Variants in TMEM192 observed in about 807,000 individuals in gnomAD.
The protein encoded by TMEM192 is transmembrane protein 192.
TMEM192 carries 20 observed loss-of-function variants against 26.7 expected under a neutral mutation model. The observed-to-expected ratio is 0.75, with a 90% confidence interval of 0.53 to 1.09. The LOEUF (loss-of-function observed/expected upper bound fraction) is 1.09, where lower values mean the gene tolerates loss of function less well. Ranked by LOEUF, TMEM192 falls within the 50% of genes least tolerant of loss-of-function variation. The pLI, the probability that TMEM192 is intolerant of heterozygous loss-of-function variation, is 0.00. For missense variants in TMEM192, 304 were observed against 322.6 expected (o/e 0.94, Z 0.44); for synonymous variants, 124 against 121.0 (o/e 1.02, Z -0.16).
chr4:165,093,595 C>T (rs1734821904), intron 3 of TMEM192, among the ~76,000 whole-genome samples: 1 of 152,134 alleles, frequency 6.6e-6, no homozygotes, highest in South Asian at 2.1e-4. Flanking sequence ...CAAGTACCCT[C>T]CTTGAAGAAG....
intron 4 of TMEM192, among the ~76,000 whole-genome samples, chr4:165,085,900 T>C (rs559490489): frequency 1.2e-4 from 19 of 152,138 alleles, no homozygotes; most frequent in African/African-American, 4.6e-4. Context: ...TTAGAACACA[T>C]GAGGCACAGT....
At position 165,076,156 on chromosome 4, in the gene TMEM192, A is replaced by T. The variant is rs1560922730; in HGVS notation, c.*3502T>A. 2 of 152,206 alleles carry T rather than the reference A, an allele frequency of 1.3e-5. No homozygotes were observed. Among genetic ancestry groups the T allele is most frequent in the Non-Finnish European group, 2.9e-5 (2 of 68,038 alleles). The allele number at this position is 152,206 out of a possible 1,614,324, so 9.4% of individuals were successfully genotyped here. A position where few individuals can be genotyped will look rare whatever the true frequency, so the allele number is the denominator to read the frequency against. On this transcript the variant is annotated 3_prime_UTR_variant, in exon 6 of 6. Coordinates refer to ENST00000306480, the MANE Select transcript of TMEM192 (RefSeq NM_001100389.2). ...AAAAATGAGCTTTTAACTTTATAAT[A>T]AGTCATGATACTGTTGTCATTTGGA... is the stretch of plus-strand genomic sequence containing the variant.
intron 1 of TMEM192, 96 bp from the exon 2 acceptor site, chr4:165,103,192 C>A (rs1395832543): frequency 1.3e-5 from 16 of 1,196,500 alleles, no homozygotes; most frequent in Non-Finnish European, 1.6e-5. Context: ...TAACCACATA[C>A]AAATTAAAGG....
Position 165,074,437 on chromosome 4 carries a change from G to GATTTATTT in TMEM192, c.*5213_*5220dup, listed in dbSNP as rs559571895. 24 of 152,006 alleles carry GATTTATTT rather than the reference G, an allele frequency of 1.6e-4. No homozygotes were observed. The highest frequency in any genetic ancestry group is 4.6e-4 in the Admixed American group (7 of 15,230). 9.4% of individuals were successfully genotyped at this position (152,006 alleles called of 1,614,324 possible). A position where few individuals can be genotyped will look rare whatever the true frequency, so the allele number is the denominator to read the frequency against. On this transcript the variant is annotated 3_prime_UTR_variant, in exon 6 of 6. Transcript: ENST00000306480. Reference sequence around the variant, plus strand: ...TACCAGATGTGAGTTTTGTATTCAAGATTTATTTATTTATTTATTTATTTA... The same window carrying GATTTATTT: ...TACCAGATGTGAGTTTTGTATTCAAGATTTATTTATTTATTTATTTATTTATTTATTTA...
chr4:165,098,335 G>A (rs1734961816), intron 3 of TMEM192, among the ~76,000 whole-genome samples: 1 of 152,150 alleles, frequency 6.6e-6, no homozygotes, highest in Admixed American at 6.5e-5. Flanking sequence ...ATGTTGGCCA[G>A]GCTGGTCTCG....
At chr4:165,080,357 C>T (rs1022307374) in intron 5 of TMEM192, among the ~76,000 whole-genome samples, 26 of 152,142 alleles carry the variant, frequency 1.7e-4, no homozygotes, top group African/African-American at 5.6e-4. Flanking sequence ...CAACCCACTT[C>T]GGTCTCACTG....
intron 1 of TMEM192, among the ~76,000 whole-genome samples, chr4:165,106,876 C>A (rs1447555893): frequency 2.0e-5 from 3 of 152,136 alleles, no homozygotes; most frequent in African/African-American, 2.4e-5. Flanking sequence ...CCCTAATAAA[C>A]CCCCTTTTTA....
chr4:165,100,971 CTTTTTT>C, intron 2 of TMEM192, 79 bp from the exon 3 acceptor site: 60 of 772,706 alleles, frequency 7.8e-5, no homozygotes, highest in East Asian at 2.2e-4. Context: ...AGCATACATT[CTTTTTT>C]TTTTTTTTTT....
intron 1 of TMEM192, 60 bp from the exon 2 acceptor site, chr4:165,103,156 C>T (rs1257412702): frequency 1.4e-6 from 2 of 1,465,170 alleles, no homozygotes; most frequent in Non-Finnish European, 1.8e-6. Context: ...GTTTCTAAGA[C>T]AAATCTACTA....
intron 3 of TMEM192, among the ~76,000 whole-genome samples, chr4:165,093,614 G>A (rs4643773): frequency 0.83 from 125,647 of 151,824 alleles, 53,097 homozygotes; most frequent in East Asian, 0.95. Context: ...AGACCACCCT[G>A]TACAATATCT....
At chr4:165,087,162 AT>A (rs894453779) in intron 4 of TMEM192, among the ~76,000 whole-genome samples, 13 of 151,976 alleles carry the variant, frequency 8.6e-5, no homozygotes, top group African/African-American at 3.1e-4. Flanking sequence ...AAAACGTTAG[AT>A]TTTTTTTCCT....
At chr4:165,103,531 T>TTTTTA (rs1735094838) in intron 1 of TMEM192, among the ~76,000 whole-genome samples, 1 of 131,236 alleles carries the variant, frequency 7.6e-6, no homozygotes, top group Non-Finnish European at 1.6e-5. Context: ...TTTTTTTTTT[T>TTTTTA]GAGATAGAGT....
intron 5 of TMEM192, among the ~76,000 whole-genome samples, chr4:165,081,156 ACT>A (rs1482911522): frequency 6.6e-6 from 1 of 151,830 alleles, no homozygotes; most frequent in East Asian, 1.9e-4. Context: ...AGTTACCTAA[ACT>A]CTCTGGTCTT....
In TMEM192 at chr4:165,073,269, C is replaced by T. The variant is rs2111249782; in HGVS notation, c.*6389G>A. ...TTAACCTATAACTTTAGCCCCAACCCTGTGCTCACAGAAACATGTGCTGTA... is the reference window on the plus strand; with the variant it reads ...TTAACCTATAACTTTAGCCCCAACCTTGTGCTCACAGAAACATGTGCTGTA... On this transcript the variant is annotated 3_prime_UTR_variant, in exon 6 of 6. Transcript: ENST00000306480. 6.6e-6 allele frequency: 1 copy of T among 152,520 alleles called. No homozygotes were observed. The highest frequency in any genetic ancestry group is 2.1e-4 in the South Asian group (1 of 4,826). 9.4% of individuals were successfully genotyped at this position (152,520 alleles called of 1,614,324 possible). A position where few individuals can be genotyped will look rare whatever the true frequency, so the allele number is the denominator to read the frequency against.
At chr4:165,090,478 T>C (rs1017270063) in intron 3 of TMEM192, among the ~76,000 whole-genome samples, 3 of 152,096 alleles carry the variant, frequency 2.0e-5, no homozygotes, top group Admixed American at 1.3e-4. Flanking sequence ...GAAGCTCCTG[T>C]ACTTGGGACC....
At chr4:165,106,088 G>A (rs1483226695) in intron 1 of TMEM192, among the ~76,000 whole-genome samples, 1 of 152,150 alleles carries the variant, frequency 6.6e-6, no homozygotes, top group African/African-American at 2.4e-5. Context: ...TGGACTTCCT[G>A]TCCTCTAGAA....
intron 1 of TMEM192, among the ~76,000 whole-genome samples, chr4:165,112,304 C>A (rs1289062459): frequency 6.6e-6 from 1 of 152,206 alleles, no homozygotes; most frequent in Non-Finnish European, 1.5e-5. Flanking sequence ...AGGGACCTCA[C>A]CAGGAAGGGA....
At chr4:165,110,388 CAGTT>C (rs904025226) in intron 1 of TMEM192, among the ~76,000 whole-genome samples, 2 of 152,192 alleles carry the variant, frequency 1.3e-5, no homozygotes, top group African/African-American at 4.8e-5. Context: ...GAACAAAAAA[CAGTT>C]GGGTGAATCC....
intron 3 of TMEM192, among the ~76,000 whole-genome samples, chr4:165,094,890 C>A (rs570608998): frequency 6.6e-6 from 1 of 151,950 alleles, no homozygotes. Flanking sequence ...AGTAGTATCA[C>A]TTGAACCCAG....
Sources: allele counts gnomAD v4.1 joint callset (sites outside exome capture counted in the v4.1 genomes callset), GRCh38; gene constraint gnomAD v4.1.1; transcripts MANE v1.5; gene names NCBI Gene and HGNC (gene_info 2026-07-23, HGNC 2026-07-21).